Variants in HAPLN1 observed in about 807,000 individuals in gnomAD.
HAPLN1 encodes hyaluronan and proteoglycan link protein 1, also known as Cartilage link protein.
Under a neutral mutation model 36.5 loss-of-function variants are expected in HAPLN1, and 13 were observed. That is an observed-to-expected ratio of 0.36 (90% CI 0.23 to 0.57). The LOEUF is 0.57. Among genes scored for constraint, HAPLN1 ranks in the 20% least tolerant of loss-of-function variants. The pLI, the probability that HAPLN1 is intolerant of heterozygous loss-of-function variation, is 0.83. For synonymous variants in HAPLN1, 202 were observed against 169.8 expected (o/e 1.19, Z -1.48); for missense variants, 407 against 439.7 (o/e 0.93, Z 0.66).
chr5:83,645,021 T>A (rs1465086601), intron 3 of HAPLN1, among the ~76,000 whole-genome samples: 2 of 152,322 alleles, frequency 1.3e-5, no homozygotes, highest in South Asian at 4.1e-4. Context: ...TATAATGGGT[T>A]ACTACTGAGC....
chr5:83,650,340 T>C (rs1040573066), intron 3 of HAPLN1, among the ~76,000 whole-genome samples: 1 of 152,196 alleles, frequency 6.6e-6, no homozygotes, highest in Non-Finnish European at 1.5e-5. Flanking sequence ...CATATGATTA[T>C]AGAAATTTGT....
At chr5:83,660,139 A>G (rs1750342917) in intron 2 of HAPLN1, among the ~76,000 whole-genome samples, 2 of 152,272 alleles carry the variant, frequency 1.3e-5, no homozygotes, top group South Asian at 4.1e-4. Flanking sequence ...CTGCATTATC[A>G]CATGTGATAT....
intron 1 of HAPLN1, among the ~76,000 whole-genome samples, chr5:83,682,018 C>T (rs1446254064): frequency 6.6e-6 from 1 of 152,084 alleles, no homozygotes; most frequent in Non-Finnish European, 1.5e-5. Context: ...GGAAATCGAT[C>T]ATTACGTCAG....
intron 1 of HAPLN1, among the ~76,000 whole-genome samples, chr5:83,694,586 A>G (rs1413836719): frequency 6.6e-6 from 1 of 152,076 alleles, no homozygotes; most frequent in Non-Finnish European, 1.5e-5. Flanking sequence ...TTCTATAGAA[A>G]TAAACAATAA....
chr5:83,713,766 C>G (rs1194905177), intron 1 of HAPLN1, among the ~76,000 whole-genome samples: 1 of 152,158 alleles, frequency 6.6e-6, no homozygotes, highest in Non-Finnish European at 1.5e-5. Flanking sequence ...ATCCTTAAAA[C>G]AGTCACACTA....
At chr5:83,719,872 C>A (rs553171337) in intron 1 of HAPLN1, among the ~76,000 whole-genome samples, 3 of 152,144 alleles carry the variant, frequency 2.0e-5, no homozygotes, top group South Asian at 2.1e-4. Flanking sequence ...AAGAAGCCAG[C>A]CAGTATGTTT....
chr5:83,681,676 A>G (rs1254637964), intron 1 of HAPLN1, among the ~76,000 whole-genome samples: 4 of 152,044 alleles, frequency 2.6e-5, no homozygotes, highest in Non-Finnish European at 5.9e-5. Flanking sequence ...AAACCAGGAT[A>G]ATTTTTTGAC....
chr5:83,675,807 A>G (rs747025953), intron 1 of HAPLN1, among the ~76,000 whole-genome samples: 5 of 152,294 alleles, frequency 3.3e-5, no homozygotes, highest in Non-Finnish European at 7.4e-5. Context: ...TGGCTCATGG[A>G]TTCCTTAGAA....
At chr5:83,691,161 G>A (rs932224488) in intron 1 of HAPLN1, among the ~76,000 whole-genome samples, 2 of 152,044 alleles carry the variant, frequency 1.3e-5, no homozygotes, top group Non-Finnish European at 2.9e-5. Context: ...AGTACAGGAA[G>A]AAGGAACCTA....
intron 2 of HAPLN1, among the ~76,000 whole-genome samples, chr5:83,661,620 A>G (rs986626876): frequency 2.0e-5 from 3 of 151,102 alleles, no homozygotes; most frequent in Non-Finnish European, 3.0e-5. Context: ...AATTTTTTGT[A>G]TTTTTAGTAG....
At chr5:83,702,799 G>A (rs970333305) in intron 1 of HAPLN1, among the ~76,000 whole-genome samples, 38 of 151,708 alleles carry the variant, frequency 2.5e-4, no homozygotes, top group African/African-American at 9.0e-4. Flanking sequence ...GTGCAGCGGA[G>A]CAATTTCAAC....
chr5:83,650,647 T>G (rs1447957896), intron 3 of HAPLN1, among the ~76,000 whole-genome samples: 1 of 148,840 alleles, frequency 6.7e-6, no homozygotes, highest in Non-Finnish European at 1.5e-5. Context: ...TTTTTTTTTT[T>G]TTTTTGAGAT....
chr5:83,655,952 C>T (rs1750198427), intron 2 of HAPLN1, among the ~76,000 whole-genome samples: 1 of 152,154 alleles, frequency 6.6e-6, no homozygotes, highest in Non-Finnish European at 1.5e-5. Flanking sequence ...AAACTTTGCA[C>T]ACTTTTGCCT....
In HAPLN1 at chr5:83,652,114, A is replaced by T. The variant is rs1029449760; in HGVS notation, c.472+339T>A. 1.4e-5 allele frequency: 4 copies of T among 291,668 alleles called. No homozygotes were observed. In the East Asian group the frequency reaches 2.3e-4, roughly 17 times the overall value. The allele number at this position is 291,668 out of a possible 1,614,324, so 18.1% of individuals were successfully genotyped here. On this transcript the variant is annotated intron_variant, in intron 3 of 4. Coordinates refer to ENST00000274341, the MANE Select transcript of HAPLN1 (RefSeq NM_001884.4). ...ACTGAGATAATTTTAGAAACAAAAT[A>T]AAAAAAGTACACAGTCTGAATTTCT...
chr5:83,663,926 A>G (rs927100980), intron 2 of HAPLN1, among the ~76,000 whole-genome samples: 2 of 149,466 alleles, frequency 1.3e-5, no homozygotes, highest in African/African-American at 4.9e-5. Context: ...CCTCACCTTT[A>G]CTCTTGGCCC....
chr5:83,679,468 C>T (rs1328247688), intron 1 of HAPLN1, among the ~76,000 whole-genome samples: 1 of 152,118 alleles, frequency 6.6e-6, no homozygotes, highest in East Asian at 1.9e-4. Flanking sequence ...CTCTTTCTAA[C>T]CTTTCTCTGT....
At chr5:83,709,734 T>C (rs1751733072) in intron 1 of HAPLN1, among the ~76,000 whole-genome samples, 1 of 152,178 alleles carries the variant, frequency 6.6e-6, no homozygotes, top group Admixed American at 6.5e-5. Context: ...TGAAAAGACA[T>C]TGAAGCACTT....
At chr5:83,683,399 T>A (rs753311720) in intron 1 of HAPLN1, among the ~76,000 whole-genome samples, 2 of 152,118 alleles carry the variant, frequency 1.3e-5, no homozygotes, top group Non-Finnish European at 2.9e-5. Context: ...CTAACAAAGT[T>A]AAGAGGAAAC....
chr5:83,685,250 A>C (rs191000423), intron 1 of HAPLN1, among the ~76,000 whole-genome samples: 1 of 152,186 alleles, frequency 6.6e-6, no homozygotes, highest in African/African-American at 2.4e-5. Flanking sequence ...GGAGGGTAGA[A>C]ACTATGTTTA....
Sources: gnomAD v4.1 joint callset for allele counts (sites outside exome capture counted in the v4.1 genomes callset) on GRCh38, gnomAD v4.1.1 for gene constraint, MANE v1.5 for transcripts, NCBI Gene and HGNC (gene_info 2026-07-23, HGNC 2026-07-21) for gene names.